The following ZNF704 variants were observed in gnomAD, a reference collection of about 807,000 sequenced individuals.
ZNF704 encodes zinc finger protein 704.
Under a neutral mutation model 44.7 loss-of-function variants are expected in ZNF704, and 10 were observed. That is an observed-to-expected ratio of 0.22 (90% CI 0.14 to 0.38). The LOEUF is 0.38. Ranked by LOEUF, ZNF704 falls within the 10% of genes least tolerant of loss-of-function variation. The pLI is 1.00. For synonymous variants in ZNF704, 211 were observed against 207.6 expected, an observed-to-expected ratio of 1.02 and a Z score of -0.14; for missense variants, 390 against 545.5, an observed-to-expected ratio of 0.71 and a Z score of 2.84.
intron 2 of ZNF704, among the ~76,000 whole-genome samples, chr8:80,793,398 A>G (rs1458354208): frequency 6.6e-6 from 1 of 152,204 alleles, no homozygotes; most frequent in Non-Finnish European, 1.5e-5. Flanking sequence ...ACCCCAAAAA[A>G]GTGGCACATA....
rs1817732972 is a variant in ZNF704, at chr8:80,640,987, A to T, written c.*379T>A. ...TTTTTTAAGTGTCAAAAAAATCTTGAAAATGGCATAATTCAGAAAGCTTAT... is the reference window on the plus strand; with the variant it reads ...TTTTTTAAGTGTCAAAAAAATCTTGTAAATGGCATAATTCAGAAAGCTTAT... On this transcript the variant is annotated 3_prime_UTR_variant, in exon 9 of 9. Transcript: ENST00000327835. 1 of 159,056 alleles carries T rather than the reference A, an allele frequency of 6.3e-6. No individual in the cohort carries two copies. The highest frequency in any genetic ancestry group is 2.4e-5 in the African/African-American group (1 of 41,608). 9.9% of individuals were successfully genotyped at this position (159,056 alleles called of 1,614,324 possible). A position where few individuals can be genotyped will look rare whatever the true frequency, so the allele number is the denominator to read the frequency against.
intron 2 of ZNF704, among the ~76,000 whole-genome samples, chr8:80,742,847 C>T (rs1294570806): frequency 6.6e-6 from 1 of 152,076 alleles, no homozygotes; most frequent in Non-Finnish European, 1.5e-5. Flanking sequence ...TTGGGTTTTC[C>T]TGTTGAGAGG....
intron 2 of ZNF704, among the ~76,000 whole-genome samples, chr8:80,704,946 CA>C (rs1365420157): frequency 6.6e-6 from 1 of 152,200 alleles, no homozygotes; most frequent in Non-Finnish European, 1.5e-5. Flanking sequence ...TGGTCAGAAG[CA>C]CAGTAAAACA....
At chr8:80,732,367 G>C (rs1303912905) in intron 2 of ZNF704, among the ~76,000 whole-genome samples, 2 of 152,132 alleles carry the variant, frequency 1.3e-5, no homozygotes, top group Non-Finnish European at 2.9e-5. Flanking sequence ...AGTAGCTGAG[G>C]GATTATCTGT....
rs111408070 is a variant in ZNF704, at chr8:80,682,443, C to T, written c.558+4783G>A. On this transcript the variant is annotated intron_variant, in intron 4 of 8. Coordinates refer to ENST00000327835, the MANE Select transcript of ZNF704 (RefSeq NM_001033723.3). The stretch of plus-strand genomic sequence containing the variant: ...GATGAAGGCTGAAATTTAGAAATTG[C>T]CTCTGAGATGCTGCCAATGTTCTGA... 5.5e-3 allele frequency among the ~76,000 whole-genome samples: 836 copies of T among 152,316 alleles called. 5 individuals carry two copies. The highest frequency in any genetic ancestry group is 0.019 in the African/African-American group (802 of 41,556).
Position 80,758,288 on chromosome 8 carries a change from T to C in ZNF704, c.221+63086A>G, listed in dbSNP as rs534502170. Reference sequence around the variant, plus strand: ...AAAGCTGGCTCTCAACCTGTTGAATTACTAAGCATAATTTGGGCCTTTATT... The same window carrying C: ...AAAGCTGGCTCTCAACCTGTTGAATCACTAAGCATAATTTGGGCCTTTATT... On this transcript the variant is annotated intron_variant, in intron 2 of 8. Transcript: ENST00000327835. Among the ~76,000 whole-genome samples, 100 of 152,320 alleles carry C rather than the reference T, an allele frequency of 6.6e-4. 1 individual carries two copies. The highest frequency in any genetic ancestry group is 6.8e-3 in the Middle Eastern group (2 of 294).
At chr8:80,706,760 T>G (rs1818904699) in intron 2 of ZNF704, among the ~76,000 whole-genome samples, 1 of 152,028 alleles carries the variant, frequency 6.6e-6, no homozygotes, top group South Asian at 2.1e-4. Flanking sequence ...TTATTCAGAG[T>G]TTTTCATTGT....
intron 2 of ZNF704, among the ~76,000 whole-genome samples, chr8:80,706,710 G>A (rs1308353522): frequency 6.6e-6 from 1 of 152,224 alleles, no homozygotes; most frequent in Non-Finnish European, 1.5e-5. Flanking sequence ...AAAGACTCAA[G>A]TCAAGTGGGC....
At chr8:80,688,456 T>C (rs1159466232) in intron 3 of ZNF704, among the ~76,000 whole-genome samples, 2 of 152,216 alleles carry the variant, frequency 1.3e-5, no homozygotes, top group East Asian at 3.8e-4. Flanking sequence ...ATAAGGATTA[T>C]TATCCCAGTT....
rs1415242462 is a variant in ZNF704 at position 80,633,354 on chromosome 8, A to G, written c.*8012T>C. The G allele has an allele frequency of 2.0e-5, 3 of 152,250 alleles. No individual in the cohort carries two copies. The highest frequency in any genetic ancestry group is 7.2e-5 in the African/African-American group (3 of 41,466). The allele number at this position is 152,250 out of a possible 1,614,324, so 9.4% of individuals were successfully genotyped here. A position where few individuals can be genotyped will look rare whatever the true frequency, so the allele number is the denominator to read the frequency against. ...ACATACATTTAGCTAATAAACTCCT[A>G]TAATTAACTACCAAATTGGCTGAAA... is the stretch of plus-strand genomic sequence containing the variant. On this transcript the variant is annotated 3_prime_UTR_variant, in exon 9 of 9. Transcript: ENST00000327835.
Position 80,687,478 on chromosome 8 carries a change from G to C in ZNF704, c.326-20C>G, listed in dbSNP as rs1289514885. On this transcript the variant is annotated intron_variant, in intron 3 of 8. Coordinates refer to ENST00000327835, the MANE Select transcript of ZNF704 (RefSeq NM_001033723.3). Reference sequence around the variant, plus strand: ...GGCTCTCTGCATGCACACAAACACAGTCAGTGCCAGGACCCCTGCGTGCCC... The same window carrying C: ...GGCTCTCTGCATGCACACAAACACACTCAGTGCCAGGACCCCTGCGTGCCC... 1.3e-6 allele frequency: 2 copies of C among 1,497,922 alleles called. No homozygotes were observed. Among genetic ancestry groups the C allele is most frequent in the African/African-American group, 2.8e-5 (2 of 72,196 alleles). 92.8% of individuals were successfully genotyped at this position (1,497,922 alleles called of 1,614,324 possible). A position where few individuals can be genotyped will look rare whatever the true frequency, so the allele number is the denominator to read the frequency against.
intron 2 of ZNF704, among the ~76,000 whole-genome samples, chr8:80,811,679 G>C (rs1808085203): frequency 6.6e-6 from 1 of 152,230 alleles, no homozygotes; most frequent in Non-Finnish European, 1.5e-5. Flanking sequence ...GCACTGTACA[G>C]TTTAAAAACA....
chr8:80,856,828 T>C (rs1188601302), intron 1 of ZNF704, among the ~76,000 whole-genome samples: 2 of 152,220 alleles, frequency 1.3e-5, no homozygotes, highest in Non-Finnish European at 2.9e-5. Flanking sequence ...TTGTTTAGAT[T>C]ATTGTAGTTA....
intron 2 of ZNF704, among the ~76,000 whole-genome samples, chr8:80,820,393 G>A (rs1438234142): frequency 1.3e-5 from 2 of 151,220 alleles, no homozygotes; most frequent in Non-Finnish European, 2.9e-5. Context: ...ATGTGACAAA[G>A]GCCTTTTTTT....
intron 2 of ZNF704, among the ~76,000 whole-genome samples, chr8:80,779,986 A>G (rs1276918432): frequency 1.3e-5 from 2 of 152,106 alleles, no homozygotes; most frequent in Non-Finnish European, 2.9e-5. Context: ...GGGAAGGAGC[A>G]GCAAAGCTCT....
intron 7 of ZNF704, among the ~76,000 whole-genome samples, chr8:80,647,433 C>T (rs376320463): frequency 2.2e-4 from 34 of 152,178 alleles, no homozygotes; most frequent in Admixed American, 1.2e-3. Flanking sequence ...GTTATTCTAA[C>T]GGCAATAAGT....
In ZNF704 at chr8:80,690,060, T is replaced by TAA. The variant is rs376882889; in HGVS notation, c.326-2604_326-2603dup. 4.0e-3 allele frequency among the ~76,000 whole-genome samples: 543 copies of TAA among 137,308 alleles called. 6 individuals carry two copies. The highest frequency in any genetic ancestry group is 0.013 in the African/African-American group (521 of 39,214). The allele number at this position is 137,308 out of a possible 152,430, so 90.1% of individuals were successfully genotyped here. ...AATTCTAGAGAAAATCTTTTTTTCC[T>TAA]AAAAAAAAAAAAAGCCTTCATTATA... On this transcript the variant is annotated intron_variant, in intron 3 of 8. Coordinates refer to ENST00000327835, the MANE Select transcript of ZNF704 (RefSeq NM_001033723.3).
At chr8:80,771,411 T>C (rs1216403484) in intron 2 of ZNF704, among the ~76,000 whole-genome samples, 2 of 152,134 alleles carry the variant, frequency 1.3e-5, no homozygotes, top group Non-Finnish European at 2.9e-5. Flanking sequence ...ATAAGTCCTG[T>C]ACATGTTTTA....
intron 2 of ZNF704, among the ~76,000 whole-genome samples, chr8:80,750,721 G>T (rs1806928125): frequency 6.6e-6 from 1 of 152,002 alleles, no homozygotes; most frequent in Non-Finnish European, 1.5e-5. Flanking sequence ...CACCATGTTG[G>T]CCAGGCTGGT....
Sources: gnomAD v4.1 joint callset for allele counts (sites outside exome capture counted in the v4.1 genomes callset) on GRCh38, gnomAD v4.1.1 for gene constraint, MANE v1.5 for transcripts, NCBI Gene and HGNC (gene_info 2026-07-23, HGNC 2026-07-21) for gene names.